Variants in ALX4 observed in about 807,000 individuals in gnomAD.
ALX4 encodes the protein homeobox protein aristaless-like 4.
ALX4 carries 22 observed loss-of-function variants against 40.6 expected under a neutral mutation model. The observed-to-expected ratio is 0.54, with a 90% confidence interval of 0.39 to 0.77. The LOEUF (loss-of-function observed/expected upper bound fraction) is 0.77. Among genes scored for constraint, ALX4 ranks in the 30% least tolerant of loss-of-function variants. ALX4 has a pLI of 0.00. For synonymous variants in ALX4, 266 were observed against 240.5 expected, an observed-to-expected ratio of 1.11 and a Z score of -0.98; for missense variants, 556 against 564.8, an observed-to-expected ratio of 0.98 and a Z score of 0.16.
At chr11:44,300,962 G>A (rs761082182) in intron 1 of ALX4, among the ~76,000 whole-genome samples, 10 of 152,236 alleles carry the variant, frequency 6.6e-5, no homozygotes, top group Non-Finnish European at 1.2e-4. Context: ...AAGCCAGCCT[G>A]ACCTTCTCCT....
chr11:44,308,327 T>C (rs886692144), intron 1 of ALX4, among the ~76,000 whole-genome samples: 1 of 152,258 alleles, frequency 6.6e-6, no homozygotes, highest in Non-Finnish European at 1.5e-5. Flanking sequence ...TGCCATCGGC[T>C]GTTTTCCCAA....
At chr11:44,267,465 C>A (rs773879165) in intron 3 of ALX4, 29 bp downstream of exon 3, 1 of 1,612,008 alleles carries the variant, frequency 6.2e-7, no homozygotes, top group Non-Finnish European at 8.5e-7. Flanking sequence ...GGCTGGGGAT[C>A]GGTGGCGGCA....
At chr11:44,297,166 C>G (rs904853371) in intron 1 of ALX4, among the ~76,000 whole-genome samples, 1 of 152,006 alleles carries the variant, frequency 6.6e-6, no homozygotes, top group African/African-American at 2.4e-5. Flanking sequence ...GTTCTGGAAA[C>G]AGTGGTGATG....
intron 1 of ALX4, among the ~76,000 whole-genome samples, chr11:44,297,987 G>A (rs1011996461): frequency 6.6e-6 from 1 of 152,190 alleles, no homozygotes; most frequent in Non-Finnish European, 1.5e-5. Flanking sequence ...CTTCCCTGGG[G>A]ATTCCCATGG....
rs1956204273 is a variant in ALX4 at position 44,264,989 on chromosome 11, C to T, written c.1101G>A (p.Leu367=). 1 of 1,613,016 alleles carries T rather than the reference C, an allele frequency of 6.2e-7. No individual in the cohort carries two copies. Among genetic ancestry groups the T allele is most frequent in the African/African-American group, 1.3e-5 (1 of 74,928 alleles). Residue 367 remains leucine (L), a synonymous_variant, in exon 4 of 4, where the codon CTG becomes CTA. Coordinates refer to ENST00000652299, the MANE Select transcript of ALX4 (RefSeq NM_021926.4). The part of the protein sequence containing the change: ...SHVGQTHMGS[L]FGAASLSPGL... ...CTGGGCTGAGGCTGGCTGCTCCAAACAGGCTGCCCATGTGCGTCTGGCCCA... is the reference window on the plus strand; with the variant it reads ...CTGGGCTGAGGCTGGCTGCTCCAAATAGGCTGCCCATGTGCGTCTGGCCCA...
intron 3 of ALX4, among the ~76,000 whole-genome samples, chr11:44,266,131 G>A (rs4755800): frequency 0.63 from 95,195 of 152,012 alleles, 30,147 homozygotes; most frequent in South Asian, 0.74. Flanking sequence ...GGAGGGAACC[G>A]CATTTCTCTC....
In ALX4 at chr11:44,291,304, G is replaced by A. The variant is rs572732161; in HGVS notation, c.467-15646C>T. On this transcript the variant is annotated intron_variant, in intron 1 of 3. Transcript: ENST00000652299. The stretch of plus-strand genomic sequence containing the variant: ...CTGTGCCCTCACCAAGGGCAGGGGA[G>A]GGGTGTTACGAGGCAGCGTTATCAC... Among the ~76,000 whole-genome samples, 13 of 152,362 alleles carry A rather than the reference G, an allele frequency of 8.5e-5. 1 individual carries two copies. The highest frequency in any genetic ancestry group is 3.3e-4 in the Admixed American group (5 of 15,308).
At chr11:44,299,294 A>G (rs1565009525) in intron 1 of ALX4, among the ~76,000 whole-genome samples, 2 of 151,230 alleles carry the variant, frequency 1.3e-5, no homozygotes, top group African/African-American at 4.9e-5. Flanking sequence ...TTTACTCCTG[A>G]CACTACTTGT....
chr11:44,271,958 C>T (rs1477072724), intron 2 of ALX4, among the ~76,000 whole-genome samples: 2 of 152,222 alleles, frequency 1.3e-5, no homozygotes, highest in African/African-American at 4.8e-5. Context: ...ACCAACACAG[C>T]ACCTACAGGG....
In ALX4 at chr11:44,264,696, C is replaced by T; in HGVS notation, c.*158G>A. 1 of 797,172 alleles carries T rather than the reference C, an allele frequency of 1.3e-6. No homozygotes were observed. The highest frequency in any genetic ancestry group is 1.8e-5 in the South Asian group (1 of 55,400). The allele number at this position is 797,172 out of a possible 1,614,324, so 49.4% of individuals were successfully genotyped here. A position where few individuals can be genotyped will look rare whatever the true frequency, so the allele number is the denominator to read the frequency against. Reference sequence around the variant, plus strand: ...TGCTGCCCCCTCCCTCCCAGCAGTCCACGGGGCCTCAGACTTGGGGCGGCT... The same window carrying T: ...TGCTGCCCCCTCCCTCCCAGCAGTCTACGGGGCCTCAGACTTGGGGCGGCT... On this transcript the variant is annotated 3_prime_UTR_variant, in exon 4 of 4. Transcript: ENST00000652299.
At chr11:44,283,813 C>T (rs970852803) in intron 1 of ALX4, among the ~76,000 whole-genome samples, 2 of 152,220 alleles carry the variant, frequency 1.3e-5, no homozygotes, top group Admixed American at 6.5e-5. Flanking sequence ...ATCCACCCGT[C>T]TTGGTCTCCC....
chr11:44,267,584 C>A lies in ALX4; in HGVS notation c.816G>T (p.Arg272=), dbSNP rs371742894. ...FQNRRAKWRK[R]ERFGQMQQVR... ...CCTGCTGCATCTGCCCAAAACGCTC[C>A]CGCTTCCTCCACTTGGCCCTTCGGT... Residue 272 remains arginine (R), a synonymous_variant, in exon 3 of 4, where the codon CGG becomes CGT. Transcript: ENST00000652299. 6.2e-7 allele frequency: 1 copy of A among 1,614,142 alleles called. No homozygotes were observed. The highest frequency in any genetic ancestry group is 1.1e-5 in the South Asian group (1 of 91,070).
At chr11:44,300,616 G>A (rs190788394) in intron 1 of ALX4, among the ~76,000 whole-genome samples, 4 of 152,284 alleles carry the variant, frequency 2.6e-5, no homozygotes, top group East Asian at 1.9e-4. Flanking sequence ...CAGGATGTAC[G>A]GGGCAGACAC....
chr11:44,267,642 C>T lies in ALX4; in HGVS notation c.778-20G>A, dbSNP rs1956221367. 6.2e-7 allele frequency: 1 copy of T among 1,614,040 alleles called. No homozygotes were observed. The highest frequency in any genetic ancestry group is 1.1e-5 in the South Asian group (1 of 91,076). ...CCAGACCTACAAGACGCGAAAAAGC[C>T]ATTGTCACCAGGGTGAGATGCCCGC... On this transcript the variant is annotated intron_variant, in intron 2 of 3. Coordinates refer to ENST00000652299, the MANE Select transcript of ALX4 (RefSeq NM_021926.4).
intron 2 of ALX4, among the ~76,000 whole-genome samples, chr11:44,270,091 C>T (rs1956236664): frequency 1.3e-5 from 2 of 151,904 alleles, no homozygotes; most frequent in South Asian, 4.2e-4. Context: ...CGGGGAGGGA[C>T]CCCGAAGAGG....
intron 2 of ALX4, among the ~76,000 whole-genome samples, chr11:44,270,117 C>T (rs1219415922): frequency 6.6e-6 from 1 of 151,886 alleles, no homozygotes; most frequent in African/African-American, 2.4e-5. Context: ...AGGTGGCCAG[C>T]GCCTGGCAAA....
intron 1 of ALX4, among the ~76,000 whole-genome samples, chr11:44,306,921 C>T (rs1050978562): frequency 5.9e-5 from 9 of 152,166 alleles, no homozygotes; most frequent in Non-Finnish European, 1.0e-4. Flanking sequence ...GCTGGGGAGA[C>T]TCAGCTGCTG....
At chr11:44,271,771 T>C (rs1956248836) in intron 2 of ALX4, among the ~76,000 whole-genome samples, 1 of 152,170 alleles carries the variant, frequency 6.6e-6, no homozygotes, top group South Asian at 2.1e-4. Flanking sequence ...AACTGAAAAA[T>C]GCTCTGTGCG....
intron 1 of ALX4, among the ~76,000 whole-genome samples, chr11:44,277,470 C>T (rs192118483): frequency 3.3e-5 from 5 of 152,212 alleles, no homozygotes; most frequent in East Asian, 1.9e-4. Flanking sequence ...GCATTTGACA[C>T]GACCTTTCAC....
Sources: gnomAD v4.1 joint callset for allele counts (sites outside exome capture counted in the v4.1 genomes callset) on GRCh38, gnomAD v4.1.1 for gene constraint, MANE v1.5 for transcripts, NCBI Gene and HGNC (gene_info 2026-07-23, HGNC 2026-07-21) for gene names.